Variants in SLC16A10 observed in about 807,000 individuals in gnomAD.
SLC16A10 encodes the protein monocarboxylate transporter 10.
In SLC16A10, 27 loss-of-function variants were observed where a neutral mutation model predicts 40.0. The observed-to-expected ratio is 0.67, with a 90% confidence interval of 0.50 to 0.93. The LOEUF is 0.93. Among genes scored for constraint, SLC16A10 ranks in the 40% least tolerant of loss-of-function variants. SLC16A10 has a pLI of 0.00. For synonymous variants in SLC16A10, 213 were observed against 249.8 expected, an observed-to-expected ratio of 0.85 and a Z score of 1.39; for missense variants, 529 against 658.2, an observed-to-expected ratio of 0.80 and a Z score of 2.15.
At position 111,172,807 on chromosome 6, in the gene SLC16A10, ATTTGTTGGGCTCATGT is replaced by A. The variant is rs1191677931; in HGVS notation, c.457_472del (p.Phe153ProfsTer5). 3.7e-6 allele frequency: 6 copies of A among 1,613,986 alleles called. No individual in the cohort carries two copies. Among genetic ancestry groups the A allele is most frequent in the Non-Finnish European group, 4.2e-6 (5 of 1,179,988 alleles). ...CAGCTGTCGTGGGTGCTGCTGTTGGATTTGTTGGGCTCATGTCCAGTTCTTTTGTAAGGTAAGGACT... is the reference window on the plus strand; with the variant it reads ...CAGCTGTCGTGGGTGCTGCTGTTGGACCAGTTCTTTTGTAAGGTAAGGACT... On this transcript the variant is annotated frameshift_variant, in exon 2 of 6. Transcript: ENST00000368851. LOFTEE classifies it high-confidence loss of function.
At chr6:111,105,626 C>T (rs140477669) in intron 1 of SLC16A10, among the ~76,000 whole-genome samples, 53 of 152,188 alleles carry the variant, frequency 3.5e-4, no homozygotes, top group African/African-American at 1.2e-3. Context: ...CCTTAGTTAC[C>T]TGTCACACAC....
At chr6:111,102,833 G>A (rs80079787) in intron 1 of SLC16A10, among the ~76,000 whole-genome samples, 2 of 152,142 alleles carry the variant, frequency 1.3e-5, no homozygotes, top group African/African-American at 2.4e-5. Context: ...CTCTGGACTC[G>A]AGCTAATTCC....
intron 5 of SLC16A10, 105 bp downstream of exon 5, chr6:111,219,147 T>C: frequency 1.9e-6 from 2 of 1,038,716 alleles, no homozygotes; most frequent in Non-Finnish European, 2.8e-6. Context: ...GGTTATTGAT[T>C]ACTGGTCTTT....
At chr6:111,179,948 C>T (rs988345392) in intron 3 of SLC16A10, among the ~76,000 whole-genome samples, 1 of 152,184 alleles carries the variant, frequency 6.6e-6, no homozygotes, top group Non-Finnish European at 1.5e-5. Context: ...GATACTTAAC[C>T]AGGAATGGGA....
At chr6:111,111,862 T>C (rs1771392324) in intron 1 of SLC16A10, among the ~76,000 whole-genome samples, 1 of 152,234 alleles carries the variant, frequency 6.6e-6, no homozygotes, top group African/African-American at 2.4e-5. Flanking sequence ...CCATTACTAC[T>C]GTCCTACAAT....
rs1258887698 is a variant in SLC16A10 at position 111,227,028 on chromosome 6, A to C, written c.*4793A>C. ...GTAGTCCCAGCTACTCAGGAGGCTGAGGCAAGAGGATTGCTTGAGCATAGC... is the reference window on the plus strand; with the variant it reads ...GTAGTCCCAGCTACTCAGGAGGCTGCGGCAAGAGGATTGCTTGAGCATAGC... On this transcript the variant is annotated 3_prime_UTR_variant, in exon 6 of 6. Coordinates refer to ENST00000368851, the MANE Select transcript of SLC16A10 (RefSeq NM_018593.5). The C allele has an allele frequency of 6.6e-6, 1 of 152,296 alleles. No homozygotes were observed. The highest frequency in any genetic ancestry group is 1.5e-5 in the Non-Finnish European group (1 of 68,104). The allele number at this position is 152,296 out of a possible 1,614,324, so 9.4% of individuals were successfully genotyped here. A position where few individuals can be genotyped will look rare whatever the true frequency, so the allele number is the denominator to read the frequency against.
chr6:111,193,597 C>T (rs1188676899), intron 3 of SLC16A10, among the ~76,000 whole-genome samples: 1 of 152,094 alleles, frequency 6.6e-6, no homozygotes, highest in African/African-American at 2.4e-5. Flanking sequence ...TAAAACAAAG[C>T]TGCTGCTTAT....
chr6:111,109,755 C>A (rs752413263), intron 1 of SLC16A10, among the ~76,000 whole-genome samples: 36 of 152,070 alleles, frequency 2.4e-4, no homozygotes, highest in Non-Finnish European at 4.4e-4. Flanking sequence ...CCTGGCCTAC[C>A]ACAATTTTTT....
chr6:111,159,066 T>TAAA (rs1349609944), intron 1 of SLC16A10, among the ~76,000 whole-genome samples: 1 of 31,204 alleles, frequency 3.2e-5, no homozygotes, highest in Non-Finnish European at 5.3e-5. Context: ...AGACCCTGAC[T>TAAA]CAAAAAAAAA....
chr6:111,126,554 C>T (rs545026884), intron 1 of SLC16A10, among the ~76,000 whole-genome samples: 15 of 152,122 alleles, frequency 9.9e-5, no homozygotes, highest in Admixed American at 2.0e-4. Flanking sequence ...TTGCTTACCA[C>T]GTTTCTTTTT....
rs1208512869 is a variant in SLC16A10 at position 111,225,820 on chromosome 6, C to T, written c.*3585C>T. 6.6e-6 allele frequency: 1 copy of T among 152,026 alleles called. No homozygotes were observed. The highest frequency in any genetic ancestry group is 1.9e-4 in the East Asian group (1 of 5,180). 9.4% of individuals were successfully genotyped at this position (152,026 alleles called of 1,614,324 possible). ...GCACTTTCATGCCCTTTCTTATGTA[C>T]CTTTTGTCTTACTCTTCTTACATTA... On this transcript the variant is annotated 3_prime_UTR_variant, in exon 6 of 6. Transcript: ENST00000368851.
At position 111,227,405 on chromosome 6, in the gene SLC16A10, C is replaced by T. The variant is rs1771021413; in HGVS notation, c.*5170C>T. ...TGCTCGCAGTTAAGTGTGAAGCTTGCATAAGTGTCGGAACCACAATTATGG... is the reference window on the plus strand; with the variant it reads ...TGCTCGCAGTTAAGTGTGAAGCTTGTATAAGTGTCGGAACCACAATTATGG... On this transcript the variant is annotated 3_prime_UTR_variant, in exon 6 of 6. Transcript: ENST00000368851. 6.6e-6 allele frequency: 1 copy of T among 152,178 alleles called. No individual in the cohort carries two copies. Among genetic ancestry groups the T allele is most frequent in the Non-Finnish European group, 1.5e-5 (1 of 68,034 alleles). The allele number at this position is 152,178 out of a possible 1,614,324, so 9.4% of individuals were successfully genotyped here.
At chr6:111,148,604 A>T (rs576709618) in intron 1 of SLC16A10, among the ~76,000 whole-genome samples, 1 of 152,180 alleles carries the variant, frequency 6.6e-6, no homozygotes, top group South Asian at 2.1e-4. Flanking sequence ...GTGCATGACA[A>T]CTTTAGGAAG....
At chr6:111,220,657 C>A (rs1007770948) in intron 5 of SLC16A10, among the ~76,000 whole-genome samples, 18 of 152,182 alleles carry the variant, frequency 1.2e-4, no homozygotes, top group African/African-American at 4.3e-4. Flanking sequence ...TCTTCTCTCC[C>A]GCAGGTAATA....
At chr6:111,187,284 A>G (rs562838346) in intron 3 of SLC16A10, among the ~76,000 whole-genome samples, 3 of 152,314 alleles carry the variant, frequency 2.0e-5, no homozygotes, top group Admixed American at 6.5e-5. Flanking sequence ...ATCTAGCAAG[A>G]AAAGAACCAG....
intron 5 of SLC16A10, among the ~76,000 whole-genome samples, chr6:111,219,796 G>A (rs999834414): frequency 1.3e-5 from 2 of 152,192 alleles, no homozygotes; most frequent in Non-Finnish European, 1.5e-5. Context: ...AAAAGGTGAC[G>A]TGGCTGGGCA....
intron 1 of SLC16A10, among the ~76,000 whole-genome samples, chr6:111,113,791 C>T (rs1771434801): frequency 6.6e-6 from 1 of 152,158 alleles, no homozygotes; most frequent in Non-Finnish European, 1.5e-5. Flanking sequence ...AATGAGGCTG[C>T]AGTCTCAGTC....
intron 1 of SLC16A10, among the ~76,000 whole-genome samples, chr6:111,166,270 C>A (rs1772471372): frequency 6.6e-6 from 1 of 152,098 alleles, no homozygotes; most frequent in Non-Finnish European, 1.5e-5. Context: ...CTTTTACTGG[C>A]ATGTCAGGCT....
intron 1 of SLC16A10, among the ~76,000 whole-genome samples, chr6:111,094,579 C>T (rs1306661486): frequency 6.6e-6 from 1 of 152,144 alleles, no homozygotes; most frequent in Non-Finnish European, 1.5e-5. Context: ...CTTCTTAATG[C>T]CTCATAAATC....
Sources: allele counts gnomAD v4.1 joint callset (sites outside exome capture counted in the v4.1 genomes callset), GRCh38; gene constraint gnomAD v4.1.1; transcripts MANE v1.5; gene names NCBI Gene and HGNC (gene_info 2026-07-23, HGNC 2026-07-21).